The following TMEM108 variants were observed in gnomAD, a reference collection of about 807,000 sequenced individuals.
The protein encoded by TMEM108 is transmembrane protein 108.
In TMEM108, 12 loss-of-function variants were observed where a neutral mutation model predicts 35.1. The ratio of observed to expected loss-of-function variants is 0.34; its 90% CI spans 0.22 to 0.55. The LOEUF is 0.55. TMEM108 is among the 20% of genes least tolerant of loss of function. The probability of loss-of-function intolerance (pLI) is 0.89; values close to 1 mark genes in which losing one functional copy is unlikely to be tolerated. For missense variants in TMEM108, 680 were observed against 753.3 expected (o/e 0.90, Z 1.14); for synonymous variants, 287 against 308.6 (o/e 0.93, Z 0.73).
At chr3:133,152,490 C>T (rs1237465522) in intron 2 of TMEM108, among the ~76,000 whole-genome samples, 20 of 152,098 alleles carry the variant, frequency 1.3e-4, no homozygotes, top group Admixed American at 1.3e-3. Context: ...AACAGGAAAT[C>T]CGTCTTTATA....
chr3:133,352,938 C>T (rs1559920910), intron 3 of TMEM108, among the ~76,000 whole-genome samples: 1 of 152,172 alleles, frequency 6.6e-6, no homozygotes, highest in Non-Finnish European at 1.5e-5. Flanking sequence ...AAGTTCCAGC[C>T]CTCTAATCAC....
intron 2 of TMEM108, among the ~76,000 whole-genome samples, chr3:133,109,482 T>A (rs936855280): frequency 4.0e-5 from 6 of 151,830 alleles, no homozygotes; most frequent in Admixed American, 6.6e-5. Flanking sequence ...AAAAAAAAAA[T>A]TGAGGTACTG....
At chr3:133,107,959 C>T (rs897445889) in intron 2 of TMEM108, among the ~76,000 whole-genome samples, 4 of 152,138 alleles carry the variant, frequency 2.6e-5, no homozygotes, top group Admixed American at 2.0e-4. Flanking sequence ...TAGCTGGGCA[C>T]GGTGGCTCAC....
chr3:133,161,872 C>T (rs1438975753), intron 2 of TMEM108, among the ~76,000 whole-genome samples: 2 of 152,178 alleles, frequency 1.3e-5, no homozygotes, highest in Non-Finnish European at 2.9e-5. Flanking sequence ...CCTCGAAAAC[C>T]TGGCTAAGTG....
intron 2 of TMEM108, among the ~76,000 whole-genome samples, chr3:133,050,288 T>C (rs1943388165): frequency 6.6e-6 from 1 of 152,310 alleles, no homozygotes; most frequent in African/African-American, 2.4e-5. Flanking sequence ...ATGCATTGCT[T>C]GTTCTCTTCC....
intron 2 of TMEM108, among the ~76,000 whole-genome samples, chr3:133,171,791 G>A (rs1044321128): frequency 1.3e-5 from 2 of 152,166 alleles, no homozygotes; most frequent in Non-Finnish European, 2.9e-5. Flanking sequence ...ACTCCATTAA[G>A]TTACACATTT....
chr3:133,336,096 C>A (rs1202028688), intron 3 of TMEM108, among the ~76,000 whole-genome samples: 1 of 152,166 alleles, frequency 6.6e-6, no homozygotes, highest in Non-Finnish European at 1.5e-5. Flanking sequence ...GGCTAAAGGC[C>A]TTTGGGCCCT....
intron 2 of TMEM108, among the ~76,000 whole-genome samples, chr3:133,059,485 A>AG (rs1441199533): frequency 6.6e-6 from 1 of 151,972 alleles, no homozygotes; most frequent in Non-Finnish European, 1.5e-5. Context: ...CTTTCTTATA[A>AG]CTCTGTGAAG....
At chr3:133,294,862 A>G (rs1947121244) in intron 3 of TMEM108, among the ~76,000 whole-genome samples, 1 of 152,226 alleles carries the variant, frequency 6.6e-6, no homozygotes, top group Admixed American at 6.5e-5. Flanking sequence ...TAATAAAGAA[A>G]TTAATGTATG....
At chr3:133,306,379 T>A (rs1458396322) in intron 3 of TMEM108, among the ~76,000 whole-genome samples, 2 of 152,198 alleles carry the variant, frequency 1.3e-5, no homozygotes, top group Non-Finnish European at 2.9e-5. Context: ...CAATTTTTTT[T>A]ATTATACTTT....
chr3:133,101,375 C>T (rs565633354), intron 2 of TMEM108, among the ~76,000 whole-genome samples: 83 of 152,326 alleles, frequency 5.4e-4, no homozygotes, highest in Non-Finnish European at 1.0e-3. Context: ...AGCCTCTAGC[C>T]TTGACTCTCT....
intron 3 of TMEM108, among the ~76,000 whole-genome samples, chr3:133,324,268 A>G (rs992134519): frequency 2.0e-5 from 3 of 152,354 alleles, no homozygotes; most frequent in Non-Finnish European, 2.9e-5. Context: ...TTCGCAAACT[A>G]TGCATCTGAC....
chr3:133,209,172 G>A (rs1375463922), intron 2 of TMEM108, among the ~76,000 whole-genome samples: 1 of 150,846 alleles, frequency 6.6e-6, no homozygotes. Flanking sequence ...CTTCTAAGTA[G>A]CTCTGACTAT....
intron 3 of TMEM108, among the ~76,000 whole-genome samples, chr3:133,276,943 A>G (rs1016849433): frequency 6.6e-5 from 10 of 152,186 alleles, no homozygotes; most frequent in African/African-American, 2.2e-4. Context: ...AGAGGATGAC[A>G]TGATATCTGT....
intron 2 of TMEM108, among the ~76,000 whole-genome samples, chr3:133,096,037 A>G (rs73211514): frequency 3.3e-5 from 5 of 152,316 alleles, no homozygotes; most frequent in Non-Finnish European, 7.3e-5. Flanking sequence ...AAGGAAAAAG[A>G]CTGAGGCTCT....
At chr3:133,137,436 A>G (rs1477660179) in intron 2 of TMEM108, among the ~76,000 whole-genome samples, 3 of 152,196 alleles carry the variant, frequency 2.0e-5, no homozygotes, top group African/African-American at 4.8e-5. Flanking sequence ...TCGAAACACC[A>G]TCCTGTCACG....
At chr3:133,325,758 A>C (rs1241748329) in intron 3 of TMEM108, among the ~76,000 whole-genome samples, 1 of 150,448 alleles carries the variant, frequency 6.6e-6, no homozygotes, top group Non-Finnish European at 1.5e-5. Context: ...AAAAATATAT[A>C]ATTTTTAAGT....
intron 2 of TMEM108, among the ~76,000 whole-genome samples, chr3:133,229,038 A>G (rs577837623): frequency 6.6e-6 from 1 of 152,260 alleles, no homozygotes; most frequent in East Asian, 1.9e-4. Flanking sequence ...TACCCCTATG[A>G]GCTTCCTTCA....
chr3:133,084,313 A>G (rs150985945), intron 2 of TMEM108, among the ~76,000 whole-genome samples: 33 of 152,246 alleles, frequency 2.2e-4, no homozygotes, highest in African/African-American at 7.9e-4. Flanking sequence ...TTTCCCTTCA[A>G]ACAGACTTCT....
Sources: allele counts gnomAD v4.1 joint callset (sites outside exome capture counted in the v4.1 genomes callset), GRCh38; gene constraint gnomAD v4.1.1; transcripts MANE v1.5; gene names NCBI Gene and HGNC (gene_info 2026-07-23, HGNC 2026-07-21).